The following FRYL variants were observed in gnomAD, a reference collection of about 807,000 sequenced individuals.
FRYL encodes the protein FRY like transcription coactivator, also known as protein furry homolog-like.
A neutral mutation model predicts 351.2 loss-of-function variants in FRYL; 150 were observed. The observed-to-expected ratio is 0.43, with a 90% CI of 0.37 to 0.49. The LOEUF (loss-of-function observed/expected upper bound fraction) is 0.49, where lower values mean the gene tolerates loss of function less well. Among genes scored for constraint, FRYL ranks in the 20% least tolerant of loss-of-function variants. The probability of loss-of-function intolerance (pLI) is 0.00; values close to 1 mark genes in which losing one functional copy is unlikely to be tolerated. For missense variants in FRYL, 3,036 were observed against 3,619.3 expected (o/e 0.84, Z 4.13); for synonymous variants, 1,153 against 1,257.1 (o/e 0.92, Z 1.75).
intron 3 of FRYL, among the ~76,000 whole-genome samples, chr4:48,665,023 C>G (rs1179976125): frequency 6.6e-6 from 1 of 152,144 alleles, no homozygotes; most frequent in Non-Finnish European, 1.5e-5. Context: ...ACAAATGTTA[C>G]AGATTGGACC....
Position 48,499,661 on chromosome 4 carries a change from T to G in FRYL, c.8803A>C (p.Ile2935Leu), listed in dbSNP as rs1183779053. The change falls in exon 64 of 64, where the codon ATC (isoleucine) becomes CTC (leucine). Residue 2935 changes from isoleucine to leucine, a missense_variant. This residue lies in a region of FRYL where 1,987 missense variants were observed against 2,311.7 expected (regional missense o/e 0.86). Coordinates refer to ENST00000358350, the MANE Select transcript of FRYL (RefSeq NM_015030.2). ...KAFRSLWPSDIFGSCEDDPVQ... is the reference protein window; with the variant it reads ...KAFRSLWPSDLFGSCEDDPVQ... ...GGGTCATCTTCACAACTGCCAAAGA[T>G]ATCACTGGGCCAGAGAGATCTGAAA... 6.2e-7 allele frequency: 1 copy of G among 1,614,080 alleles called. No homozygotes were observed. The highest frequency in any genetic ancestry group is 8.5e-7 in the Non-Finnish European group (1 of 1,179,946).
At chr4:48,770,810 A>C (rs1478379045) in intron 1 of FRYL, among the ~76,000 whole-genome samples, 1 of 152,122 alleles carries the variant, frequency 6.6e-6, no homozygotes, top group Non-Finnish European at 1.5e-5. Flanking sequence ...GGGAATGAAG[A>C]CTCAATTTTT....
At chr4:48,655,830 T>G (rs1758767746) in intron 3 of FRYL, among the ~76,000 whole-genome samples, 1 of 143,800 alleles carries the variant, frequency 7.0e-6, no homozygotes, top group Non-Finnish European at 1.5e-5. Flanking sequence ...AATTATATAA[T>G]TATATATACT....
intron 33 of FRYL, among the ~76,000 whole-genome samples, chr4:48,558,943 A>G (rs1241621689): frequency 6.6e-6 from 1 of 152,192 alleles, no homozygotes; most frequent in African/African-American, 2.4e-5. Context: ...TAGACCCTGT[A>G]CTTACTTACT....
chr4:48,625,191 T>C (rs1282862214), intron 4 of FRYL, among the ~76,000 whole-genome samples: 1 of 152,190 alleles, frequency 6.6e-6, no homozygotes, highest in Admixed American at 6.5e-5. Flanking sequence ...CACACCCTAT[T>C]GGTTCCATTT....
intron 1 of FRYL, among the ~76,000 whole-genome samples, chr4:48,771,274 T>A (rs1297895915): frequency 6.6e-6 from 1 of 152,098 alleles, no homozygotes; most frequent in African/African-American, 2.4e-5. Context: ...TACAGAAAAA[T>A]GCATCTATAA....
At chr4:48,694,097 T>G (rs1414666297) in intron 2 of FRYL, among the ~76,000 whole-genome samples, 3 of 152,106 alleles carry the variant, frequency 2.0e-5, no homozygotes, top group Non-Finnish European at 2.9e-5. Context: ...GGGTAGAAAA[T>G]GCTTGACTTT....
chr4:48,660,207 A>G (rs1560811082), intron 3 of FRYL, among the ~76,000 whole-genome samples: 1 of 152,180 alleles, frequency 6.6e-6, no homozygotes, highest in Non-Finnish European at 1.5e-5. Flanking sequence ...GAGCAACACA[A>G]TAAACAACAT....
chr4:48,504,507 CAGAATT>C (rs1346126753), intron 60 of FRYL, among the ~76,000 whole-genome samples: 1 of 152,112 alleles, frequency 6.6e-6, no homozygotes, highest in Non-Finnish European at 1.5e-5. Context: ...CAAAGACAGA[CAGAATT>C]AGAACCAAAG....
At chr4:48,578,895 T>C in intron 23 of FRYL, 78 bp downstream of exon 23, 1 of 1,288,320 alleles carries the variant, frequency 7.8e-7, no homozygotes, top group Non-Finnish European at 1.1e-6. Flanking sequence ...TCTGTAATAC[T>C]TTTGAATTTT....
chr4:48,687,587 C>T (rs532513871), intron 2 of FRYL, among the ~76,000 whole-genome samples: 43 of 151,764 alleles, frequency 2.8e-4, no homozygotes, highest in Admixed American at 5.2e-4. Flanking sequence ...TCAAATAACA[C>T]GTGAACCTCT....
chr4:48,632,163 T>A (rs1261147784), intron 4 of FRYL, among the ~76,000 whole-genome samples: 2 of 132,316 alleles, frequency 1.5e-5, no homozygotes, highest in African/African-American at 5.6e-5. Flanking sequence ...TAAATATATA[T>A]ATAAAAATTG....
rs1039296638 is a variant in FRYL at position 48,567,901 on chromosome 4, G to A, written c.2997-481C>T. Among the ~76,000 whole-genome samples the A allele has an allele frequency of 6.6e-6, 1 of 152,318 alleles. No individual in the cohort carries two copies. The highest frequency in any genetic ancestry group is 1.9e-4 in the East Asian group (1 of 5,184). ...TTATCAGGGATGCAAAAATCTAAGA[G>A]AATTCTTGTAAGAATAGGGTAGAGT... is the stretch of plus-strand genomic sequence containing the variant. On this transcript the variant is annotated intron_variant, in intron 27 of 63. Transcript: ENST00000358350. The surrounding 1 kb of genome is among the most constrained non-coding windows in gnomAD (Gnocchi z 4.2).
rs1753842084 is a variant in FRYL at position 48,634,492 on chromosome 4, T to TA, written c.-80-3dup. The TA allele has an allele frequency of 6.2e-7, 1 of 1,606,106 alleles. No individual in the cohort carries two copies. The highest frequency in any genetic ancestry group is 8.5e-7 in the Non-Finnish European group (1 of 1,175,574). ...TTACTTTGCTGACTGGCGCTGAAGC[T>TA]AAAAGTAAAAGAAACAAAAGAACTC... On this transcript the variant is annotated splice_region_variant and splice_polypyrimidine_tract_variant and intron_variant, in intron 3 of 63. Transcript: ENST00000358350.
In FRYL at chr4:48,527,962, A is replaced by AT. The variant is rs754776748; in HGVS notation, c.7140+8dup. 2.2e-4 allele frequency: 346 copies of AT among 1,552,616 alleles called. No individual in the cohort carries two copies. The highest frequency in any genetic ancestry group is 2.9e-4 in the Non-Finnish European group (338 of 1,154,504). On this transcript the variant is annotated intron_variant, in intron 52 of 63. Coordinates refer to ENST00000358350, the MANE Select transcript of FRYL (RefSeq NM_015030.2). ...TAAGACCTTGACACAGGTCTTCATG[A>AT]TTACTCACTGATGGGTTCTTTGGGA...
intron 17 of FRYL, among the ~76,000 whole-genome samples, chr4:48,590,213 T>C (rs922230176): frequency 2.0e-5 from 3 of 152,214 alleles, no homozygotes; most frequent in Non-Finnish European, 4.4e-5. Flanking sequence ...CTGAGCATGG[T>C]GGCTCACGTC....
intron 1 of FRYL, among the ~76,000 whole-genome samples, chr4:48,778,064 G>A (rs575983750): frequency 6.2e-4 from 94 of 152,284 alleles, no homozygotes; most frequent in Middle Eastern, 3.4e-3. Context: ...AGGCGCAGTC[G>A]TGCCCACCTG....
intron 1 of FRYL, among the ~76,000 whole-genome samples, chr4:48,722,261 T>C (rs1218818763): frequency 6.6e-6 from 1 of 152,200 alleles, no homozygotes; most frequent in Non-Finnish European, 1.5e-5. Flanking sequence ...ACTTACACCA[T>C]AAATATATGC....
At chr4:48,548,906 C>A in intron 39 of FRYL, 113 bp from the exon 40 acceptor site, 4 of 611,030 alleles carry the variant, frequency 6.5e-6, no homozygotes, top group Non-Finnish European at 1.1e-5. Flanking sequence ...AAAAATACAA[C>A]TTATCAAGGA....
Sources: gnomAD v4.1 joint callset for allele counts (sites outside exome capture counted in the v4.1 genomes callset) on GRCh38, gnomAD v4.1.1 for gene constraint, gnomAD v4.1.1 regional missense constraint, Gnocchi (gnomAD v3.1) non-coding constraint, MANE v1.5 for transcripts, NCBI Gene and HGNC (gene_info 2026-07-23, HGNC 2026-07-21) for gene names.